Variants in THOC2 observed in about 807,000 individuals in gnomAD.
THOC2 encodes THO complex 2.
THOC2 carries 10 observed loss-of-function variants against 128.4 expected under a neutral mutation model. That is an observed-to-expected ratio of 0.08 (90% CI 0.05 to 0.13). THOC2 has a LOEUF of 0.13. Ranked by LOEUF, THOC2 falls within the 10% of genes least tolerant of loss-of-function variation. The pLI is 1.00. For missense variants in THOC2, 535 were observed against 1,155.7 expected, an observed-to-expected ratio of 0.46 and a Z score of 7.79; for synonymous variants, 393 against 396.9, an observed-to-expected ratio of 0.99 and a Z score of 0.12.
intron 12 of THOC2, among the ~76,000 whole-genome samples, chrX:123,646,051 T>A (rs770535559): frequency 8.9e-6 from 1 of 111,745 alleles, no homozygotes; most frequent in East Asian, 2.8e-4. Context: ...ATTAGTATAA[T>A]CAAACACTAA....
At chrX:123,623,348 T>A in intron 28 of THOC2, 65 bp from the exon 29 acceptor site, 1 of 1,039,485 alleles carries the variant, frequency 9.6e-7, no homozygotes, top group African/African-American at 1.9e-5. Flanking sequence ...ATGAGGTTTT[T>A]AAGAATAAAA....
Position 123,645,467 on chromosome X carries a change from AC to A in THOC2, c.1387-93del. ...CTAATTTGAAAAAACTTTAACTTGC[AC>A]ATGGTTGTAAATTGTTCTTACTTTT... On this transcript the variant is annotated intron_variant, in intron 12 of 38. Coordinates refer to ENST00000245838, the MANE Select transcript of THOC2 (RefSeq NM_001081550.2). 1.0e-5 allele frequency: 5 copies of A among 484,808 alleles called. No individual in the cohort carries two copies. In the South Asian group the frequency reaches 1.6e-4, roughly 16 times the overall value. The allele number at this position is 484,808 out of a possible 1,213,427, so 40.0% of individuals were successfully genotyped here.
chrX:123,611,043 G>A, intron 37 of THOC2, 80 bp from the exon 38 acceptor site: 1 of 954,041 alleles, frequency 1.0e-6, no homozygotes, highest in South Asian at 2.2e-5. Flanking sequence ...AGCACCTCAG[G>A]TTGCAGGCCT....
intron 22 of THOC2, among the ~76,000 whole-genome samples, chrX:123,628,677 C>T (rs746626985): frequency 2.5e-3 from 272 of 107,081 alleles, no homozygotes; most frequent in African/African-American, 6.2e-3. Flanking sequence ...TGCCCCTTCA[C>T]TCCAGACTGG....
intron 8 of THOC2, among the ~76,000 whole-genome samples, chrX:123,673,581 T>C (rs929686082): frequency 8.9e-6 from 1 of 111,793 alleles, no homozygotes; most frequent in African/African-American, 3.3e-5. Context: ...CCACATACTG[T>C]TATGCACAAT....
At chrX:123,711,217 A>T (rs2147949673) in intron 2 of THOC2, among the ~76,000 whole-genome samples, 1 of 99,022 alleles carries the variant, frequency 1.0e-5, no homozygotes, top group African/African-American at 3.8e-5. Context: ...TTTTTGGTAG[A>T]GATGGAGTTT....
At position 123,623,430 on chromosome X, in the gene THOC2, G is replaced by A. The variant is rs1238966263; in HGVS notation, c.3504-147C>T. On this transcript the variant is annotated intron_variant, in intron 28 of 38. Transcript: ENST00000245838. ...TACCAATTTTTAATAAGTTCTTGAA[G>A]GTTTTTATAGAACGCCCAGCTTTCT... 6.2e-6 allele frequency: 4 copies of A among 649,769 alleles called. No individual in the cohort carries two copies. In the Admixed American group the frequency reaches 1.4e-4, roughly 23 times the overall value. The allele number at this position is 649,769 out of a possible 1,213,427, so 53.5% of individuals were successfully genotyped here.
chrX:123,694,465 A>G (rs1307055617), intron 7 of THOC2, among the ~76,000 whole-genome samples: 1 of 110,433 alleles, frequency 9.1e-6, no homozygotes, highest in Non-Finnish European at 1.9e-5. Context: ...AAATACAAAA[A>G]TTAGCTGGGT....
intron 9 of THOC2, among the ~76,000 whole-genome samples, chrX:123,669,019 T>C (rs946611283): frequency 8.9e-6 from 1 of 111,797 alleles, no homozygotes; most frequent in Non-Finnish European, 1.9e-5. Flanking sequence ...CAGTAGTTTC[T>C]GCTAGTCACT....
At position 123,623,195 on chromosome X, in the gene THOC2, C is replaced by T; in HGVS notation, c.3592G>A (p.Ala1198Thr). 1 of 1,211,191 alleles carries T rather than the reference C, an allele frequency of 8.3e-7. No individual in the cohort carries two copies. The highest frequency in any genetic ancestry group is 2.3e-4 in the Middle Eastern group (1 of 4,352). The part of the protein sequence containing the change: ...HKDPPPRNAV[A>T]SVQNGPGGGP... ...CCACCAGGCCCATTTTGCACACTGG[C>T]AACTGCATTCCTCGGAGGGGGGTCT... is the stretch of plus-strand genomic sequence containing the variant. The change falls in exon 29 of 39, where the codon GCC becomes ACC. Residue 1198 changes from alanine to threonine, a missense_variant. Ala to Thr is a moderately conservative substitution (Grantham distance 58). This residue lies in a region of THOC2 where 116 missense variants were observed against 180.0 expected (regional missense o/e 0.64). Coordinates refer to ENST00000245838, the MANE Select transcript of THOC2 (RefSeq NM_001081550.2).
chrX:123,721,552 G>A (rs1316332430), intron 1 of THOC2, among the ~76,000 whole-genome samples: 2 of 107,562 alleles, frequency 1.9e-5, no homozygotes, highest in Admixed American at 9.8e-5. Context: ...TTGGGAGGCC[G>A]AGGAGGGCGG....
chrX:123,644,737 G>C, intron 14 of THOC2, 42 bp downstream of exon 14: 3 of 1,162,416 alleles, frequency 2.6e-6, no homozygotes, highest in Non-Finnish European at 3.5e-6. Flanking sequence ...TAATATACTA[G>C]AATTACTAAT....
chrX:123,669,274 T>C (rs1173732248), intron 9 of THOC2, among the ~76,000 whole-genome samples: 1 of 110,240 alleles, frequency 9.1e-6, no homozygotes, highest in Non-Finnish European at 1.9e-5. Context: ...AACACATTTG[T>C]ATTGCTGTAC....
At chrX:123,721,039 TAAG>T (rs2051671198) in intron 1 of THOC2, among the ~76,000 whole-genome samples, 1 of 111,778 alleles carries the variant, frequency 8.9e-6, no homozygotes, top group African/African-American at 3.3e-5. Flanking sequence ...TAAAATTTGC[TAAG>T]AAGGTAGATT....
chrX:123,607,811 TG>T (rs753197437), intron 38 of THOC2, among the ~76,000 whole-genome samples: 12 of 109,456 alleles, frequency 1.1e-4, no homozygotes, highest in Non-Finnish European at 1.9e-4. Context: ...AAAAGGTGAG[TG>T]GGGGAGGGCA....
At chrX:123,673,853 A>G (rs766976927) in intron 8 of THOC2, among the ~76,000 whole-genome samples, 49 of 111,381 alleles carry the variant, frequency 4.4e-4, no homozygotes, top group Admixed American at 1.1e-3. Context: ...TTTGCTTGTT[A>G]TTGTTGCTTC....
chrX:123,624,029 T>C (rs1304064579), intron 27 of THOC2, 31 bp downstream of exon 27: 9 of 1,180,416 alleles, frequency 7.6e-6, no homozygotes, highest in Non-Finnish European at 9.0e-6. Context: ...AGAGAAAAAT[T>C]TGCCTTTGAA....
Position 123,619,455 on chromosome X carries a change from G to A in THOC2, c.4276-19C>T. The A allele has an allele frequency of 3.3e-6, 4 of 1,208,088 alleles. No individual in the cohort carries two copies. The highest frequency in any genetic ancestry group is 4.5e-6 in the Non-Finnish European group (4 of 893,122). On this transcript the variant is annotated intron_variant, in intron 32 of 38. Coordinates refer to ENST00000245838, the MANE Select transcript of THOC2 (RefSeq NM_001081550.2). The stretch of plus-strand genomic sequence containing the variant: ...GACTGTCCTGTAGAAAATGAATGGA[G>A]ATGACAGGTGAGCTGGCATAGTTCT...
At chrX:123,720,567 T>C (rs192656274) in intron 1 of THOC2, among the ~76,000 whole-genome samples, 177 of 112,108 alleles carry the variant, frequency 1.6e-3, no homozygotes, top group African/African-American at 5.5e-3. Context: ...TGAGTACTTA[T>C]CCAAAAAAAT....
Sources: allele counts gnomAD v4.1 joint callset (sites outside exome capture counted in the v4.1 genomes callset), GRCh38; gene constraint gnomAD v4.1.1; regional missense constraint gnomAD v4.1.1; transcripts MANE v1.5; gene names NCBI Gene and HGNC (gene_info 2026-07-23, HGNC 2026-07-21).